BEAN1: variants seen among roughly 807,000 people sequenced by gnomAD.
BEAN1 encodes the protein brain expressed associated with NEDD4 1.
BEAN1 carries 17 observed loss-of-function variants against 17.7 expected under a neutral mutation model. The ratio of observed to expected loss-of-function variants is 0.96; its 90% confidence interval spans 0.66 to 1.44. The LOEUF is 1.44. Ranked by LOEUF, BEAN1 falls within the 40% of genes most tolerant of loss-of-function variation. The pLI, the probability that BEAN1 is intolerant of heterozygous loss-of-function variation, is 0.00. For synonymous variants in BEAN1, 142 were observed against 151.8 expected (o/e 0.94, Z 0.47); for missense variants, 359 against 374.1 (o/e 0.96, Z 0.33).
In BEAN1 at chr16:66,480,848, G is replaced by A; in HGVS notation, c.703G>A (p.Asp235Asn). 2 of 1,517,382 alleles carry A rather than the reference G, an allele frequency of 1.3e-6. No homozygotes were observed. Among genetic ancestry groups the A allele is most frequent in the Non-Finnish European group, 1.8e-6 (2 of 1,127,172 alleles). 94.0% of individuals were successfully genotyped at this position (1,517,382 alleles called of 1,614,324 possible). A position where few individuals can be genotyped will look rare whatever the true frequency, so the allele number is the denominator to read the frequency against. Residue 235 changes from aspartate (D) to asparagine (N), a missense_variant, in exon 5 of 5, where the codon GAC (aspartate) becomes AAC (asparagine). Physicochemically the swap from Asp to Asn is conservative, Grantham distance 23 (BLOSUM62 1). Coordinates refer to ENST00000536005, the MANE Select transcript of BEAN1 (RefSeq NM_001178020.3). ...AGGCCTGCTGCCACTGCCGGGCCCA[G>A]ACCCAGGGCCAAGGGGCTCCCAGGG... is the stretch of plus-strand genomic sequence containing the variant. Reference protein sequence around the residue: ...PSGLLPLPGPDPGPRGSQGSP... With the variant: ...PSGLLPLPGPNPGPRGSQGSP...
intron 2 of BEAN1, among the ~76,000 whole-genome samples, chr16:66,461,143 G>A (rs1399287336): frequency 1.3e-5 from 2 of 149,324 alleles, no homozygotes; most frequent in Non-Finnish European, 1.5e-5. Context: ...GGCAAAGCTT[G>A]TTTCATCTTC....
chr16:66,469,166 T>C (rs1963370765), intron 2 of BEAN1, among the ~76,000 whole-genome samples: 1 of 152,236 alleles, frequency 6.6e-6, no homozygotes, highest in South Asian at 2.1e-4. Flanking sequence ...TCGTTACTCA[T>C]ACTCTGTCCC....
chr16:66,444,975 C>G (rs1962390337), intron 2 of BEAN1, among the ~76,000 whole-genome samples: 1 of 152,162 alleles, frequency 6.6e-6, no homozygotes, highest in African/African-American at 2.4e-5. Context: ...TATCAGGCAT[C>G]CTCTTCCATT....
At chr16:66,435,617 A>C (rs1424021660) in intron 1 of BEAN1, among the ~76,000 whole-genome samples, 1 of 152,108 alleles carries the variant, frequency 6.6e-6, no homozygotes, top group Non-Finnish European at 1.5e-5. Flanking sequence ...CCTCCCGAGT[A>C]GCTGGGATCA....
Position 66,469,802 on chromosome 16 carries a change from C to T in BEAN1, c.226C>T (p.Arg76Cys), listed in dbSNP as rs200706119. The stretch of plus-strand genomic sequence containing the variant: ...TCAGCGGCACCGCCACCGCCACCAC[C>T]GCCACCACCACCACCATCATCACCA... ...RLQRHRHRHH[R>C]HHHHHHHHRR... The change falls in exon 3 of 5, where the codon CGC (arginine) becomes TGC (cysteine). Residue 76 changes from arginine to cysteine, a missense_variant. Arg to Cys is a radical substitution (Grantham distance 180). Coordinates refer to ENST00000536005, the MANE Select transcript of BEAN1 (RefSeq NM_001178020.3). 2.2e-4 allele frequency: 336 copies of T among 1,535,810 alleles called. No individual in the cohort carries two copies. The highest frequency in any genetic ancestry group is 2.8e-4 in the Non-Finnish European group (317 of 1,146,830).
chr16:66,455,672 G>A (rs1488404374), intron 2 of BEAN1, among the ~76,000 whole-genome samples: 8 of 148,974 alleles, frequency 5.4e-5, no homozygotes, highest in Non-Finnish European at 5.9e-5. Context: ...GCAGCAACAC[G>A]CTTATAATAA....
chr16:66,478,471 G>T (rs1449447623), intron 4 of BEAN1, among the ~76,000 whole-genome samples: 1 of 151,952 alleles, frequency 6.6e-6, no homozygotes, highest in Non-Finnish European at 1.5e-5. Flanking sequence ...GCGTGGTGGC[G>T]GGCGCCTGTA....
At position 66,469,644 on chromosome 16, in the gene BEAN1, C is replaced by G; in HGVS notation, c.68C>G (p.Ser23Ter). 1.3e-6 allele frequency: 2 copies of G among 1,536,124 alleles called. No individual in the cohort carries two copies. Among genetic ancestry groups the G allele is most frequent in the Non-Finnish European group, 1.7e-6 (2 of 1,146,872 alleles). Residue 23 changes from serine (S) to a stop codon, truncating the protein, a stop_gained, in exon 3 of 5, where the codon TCA becomes TGA. Transcript: ENST00000536005. LOFTEE classifies it high-confidence loss of function. ...ACCAGCTACTTCTACCCCACATTCT[C>G]AGAGAGCTCGGAGCACAGCCATCTG... is the stretch of plus-strand genomic sequence containing the variant. ...NRTSYFYPTF[S>*]ESSEHSHLLV... is the part of the protein sequence containing the mutation.
intron 2 of BEAN1, among the ~76,000 whole-genome samples, chr16:66,465,398 G>T (rs147168662): frequency 5.3e-4 from 81 of 152,170 alleles, no homozygotes; most frequent in African/African-American, 1.9e-3. Flanking sequence ...GGGTAATGCT[G>T]GCCTTATAGA....
chr16:66,445,594 G>A (rs1263245934), intron 2 of BEAN1, among the ~76,000 whole-genome samples: 2 of 151,674 alleles, frequency 1.3e-5, no homozygotes, highest in African/African-American at 4.9e-5. Context: ...GGGAAGAGAG[G>A]GAGCCATACA....
intron 1 of BEAN1, among the ~76,000 whole-genome samples, chr16:66,430,457 C>G (rs1961753609): frequency 6.6e-6 from 1 of 152,170 alleles, no homozygotes; most frequent in African/African-American, 2.4e-5. Flanking sequence ...TATGACTCAT[C>G]CTAATTGTAT....
chr16:66,457,174 T>A (rs570450090), intron 2 of BEAN1, among the ~76,000 whole-genome samples: 1 of 152,290 alleles, frequency 6.6e-6, no homozygotes, highest in Non-Finnish European at 1.5e-5. Context: ...CAGGCATGAA[T>A]TAAGTGTTTG....
At chr16:66,470,901 G>C (rs374400756) in intron 3 of BEAN1, among the ~76,000 whole-genome samples, 1 of 152,192 alleles carries the variant, frequency 6.6e-6, no homozygotes, top group African/African-American at 2.4e-5. Context: ...GCCTTCAGGG[G>C]CCTCTGCCTA....
chr16:66,463,772 T>G (rs2142420493), intron 2 of BEAN1, among the ~76,000 whole-genome samples: 1 of 152,392 alleles, frequency 6.6e-6, no homozygotes, highest in East Asian at 1.9e-4. Context: ...GGTCATACAT[T>G]TAGGTCTTTA....
intron 2 of BEAN1, among the ~76,000 whole-genome samples, chr16:66,449,472 T>A (rs1022822500): frequency 1.3e-5 from 2 of 151,834 alleles, no homozygotes; most frequent in Non-Finnish European, 1.5e-5. Flanking sequence ...GTGGGCATGG[T>A]GGTGCATGCC....
At chr16:66,492,909 G>T (rs899828082) in intron 4 of BEAN1, 6 of 660,086 alleles carry the variant, frequency 9.1e-6, no homozygotes, top group African/African-American at 8.9e-5. Context: ...GCCCCTCTCA[G>T]CCACTCTGCT....
chr16:66,491,453 G>A (rs1385938196), intron 4 of BEAN1, among the ~76,000 whole-genome samples: 1 of 152,210 alleles, frequency 6.6e-6, no homozygotes, highest in African/African-American at 2.4e-5. Context: ...GGGAGAAACA[G>A]CATGCCCATC....
chr16:66,441,710 C>G (rs1029638471), intron 2 of BEAN1, among the ~76,000 whole-genome samples: 1 of 152,194 alleles, frequency 6.6e-6, no homozygotes, highest in Non-Finnish European at 1.5e-5. Flanking sequence ...GCTATGCCCA[C>G]CAAGTGCAAG....
At chr16:66,469,897 C>A (rs1339281329) in intron 3 of BEAN1, 32 bp downstream of exon 3, 10 of 1,525,808 alleles carry the variant, frequency 6.6e-6, no homozygotes, top group Non-Finnish European at 8.8e-6. Context: ...GGCCCTGGGA[C>A]CTCATCTGAC....
Sources: gnomAD v4.1 joint callset for allele counts (sites outside exome capture counted in the v4.1 genomes callset) on GRCh38, gnomAD v4.1.1 for gene constraint, MANE v1.5 for transcripts, NCBI Gene and HGNC (gene_info 2026-07-23, HGNC 2026-07-21) for gene names.